PHKB: variants seen among roughly 807,000 people sequenced by gnomAD.
The protein encoded by PHKB is phosphorylase kinase regulatory subunit beta, also known as phosphorylase b kinase regulatory subunit beta.
Under a neutral mutation model 152.1 loss-of-function variants are expected in PHKB, and 122 were observed. The ratio of observed to expected loss-of-function variants is 0.80; its 90% CI spans 0.69 to 0.93. The LOEUF is 0.93. PHKB is among the 40% of genes least tolerant of loss of function. The probability of loss-of-function intolerance (pLI) is 0.00; values close to 1 mark genes in which losing one functional copy is unlikely to be tolerated. For missense variants in PHKB, 1,304 were observed against 1,328.4 expected, an observed-to-expected ratio of 0.98 and a Z score of 0.29; for synonymous variants, 436 against 464.9, an observed-to-expected ratio of 0.94 and a Z score of 0.80.
At chr16:47,580,116 TA>T (rs1344305693) in intron 7 of PHKB, among the ~76,000 whole-genome samples, 178 bp from the exon 8 acceptor site, 1 of 152,122 alleles carries the variant, frequency 6.6e-6, no homozygotes, top group Non-Finnish European at 1.5e-5. Flanking sequence ...TCACTAACTA[TA>T]AAAAAGAAAA....
Position 47,497,402 on chromosome 16 carries a change from C to T in PHKB, c.80C>T (p.Ser27Leu), listed in dbSNP as rs769640225. ...GGGTTTTTATTTTTTCTTTTAGGCT[C>T]AGTTTATGAACCTCTTAAAAGCATT... ...ERRARTKRSG[S>L]VYEPLKSINL... is the part of the protein sequence containing the mutation. The change falls in exon 2 of 31, where the codon TCA (serine) becomes TTA (leucine). Residue 27 changes from serine (S) to leucine (L), a missense_variant. Coordinates refer to ENST00000323584, the MANE Select transcript of PHKB (RefSeq NM_000293.3). 7 of 1,586,830 alleles carry T rather than the reference C, an allele frequency of 4.4e-6. No homozygotes were observed. The Admixed American group carries it at 1.2e-4, about 26-fold the overall frequency.
chr16:47,492,412 T>C (rs1970164778), intron 1 of PHKB, among the ~76,000 whole-genome samples: 1 of 152,368 alleles, frequency 6.6e-6, no homozygotes, highest in South Asian at 2.1e-4. Context: ...AGTCAACTGC[T>C]GATCTGGTGG....
At chr16:47,469,550 G>T (rs560814655) in intron 1 of PHKB, among the ~76,000 whole-genome samples, 2 of 152,100 alleles carry the variant, frequency 1.3e-5, no homozygotes, top group South Asian at 4.2e-4. Context: ...CTAAACATTG[G>T]GTACTCATGG....
At chr16:47,627,392 C>T (rs1265011194) in intron 14 of PHKB, among the ~76,000 whole-genome samples, 1 of 152,210 alleles carries the variant, frequency 6.6e-6, no homozygotes, top group Non-Finnish European at 1.5e-5. Context: ...ACACCAGTTA[C>T]AGCAAGTACT....
At chr16:47,503,549 G>C (rs964112891) in intron 4 of PHKB, among the ~76,000 whole-genome samples, 47 of 152,148 alleles carry the variant, frequency 3.1e-4, no homozygotes, top group Non-Finnish European at 1.5e-5. Flanking sequence ...CAGCTTTACA[G>C]GCCAGGCGCA....
chr16:47,532,030 T>C (rs1406263773), intron 6 of PHKB, among the ~76,000 whole-genome samples: 1 of 152,204 alleles, frequency 6.6e-6, no homozygotes, highest in African/African-American at 2.4e-5. Flanking sequence ...ACAAGATATG[T>C]ATCTAGAATA....
intron 26 of PHKB, among the ~76,000 whole-genome samples, chr16:47,670,042 C>G (rs1358211507): frequency 6.6e-6 from 1 of 152,176 alleles, no homozygotes; most frequent in South Asian, 2.1e-4. Flanking sequence ...GGGTAAATGA[C>G]TGAACCTCTC....
At chr16:47,647,783 CA>C (rs1443237831) in intron 16 of PHKB, among the ~76,000 whole-genome samples, 1 of 152,196 alleles carries the variant, frequency 6.6e-6, no homozygotes, top group Non-Finnish European at 1.5e-5. Flanking sequence ...AGGCGTGAGC[CA>C]CCATGCCCAG....
At chr16:47,677,576 A>G (rs1269884310) in intron 26 of PHKB, among the ~76,000 whole-genome samples, 1 of 151,962 alleles carries the variant, frequency 6.6e-6, no homozygotes, top group Non-Finnish European at 1.5e-5. Context: ...GCTCTCTGGT[A>G]TGTCTTCTTA....
At position 47,650,545 on chromosome 16, in the gene PHKB, A is replaced by T; in HGVS notation, c.1799A>T (p.Asn600Ile). ...ATCCTACCTCATTCTGTTTGACAGAATGCGCTGCAGTTCATTAAACAATAT... is the reference window on the plus strand; with the variant it reads ...ATCCTACCTCATTCTGTTTGACAGATTGCGCTGCAGTTCATTAAACAATAT... ...DVFLLIDDIKNALQFIKQYWK... is the reference protein window; with the variant it reads ...DVFLLIDDIKIALQFIKQYWK... The change falls in exon 19 of 31, where the codon AAT becomes ATT. Residue 600 changes from asparagine to isoleucine, a missense_variant and splice_region_variant. Physicochemically the swap from Asn to Ile is moderately radical, Grantham distance 149. Coordinates refer to ENST00000323584, the MANE Select transcript of PHKB (RefSeq NM_000293.3). The T allele has an allele frequency of 6.3e-7, 1 of 1,579,562 alleles. No individual in the cohort carries two copies. Among genetic ancestry groups the T allele is most frequent in the Non-Finnish European group, 8.7e-7 (1 of 1,148,714 alleles).
Position 47,649,196 on chromosome 16 carries a change from G to C in PHKB, c.1789G>C (p.Asp597His). 1 of 1,558,328 alleles carries C rather than the reference G, an allele frequency of 6.4e-7. No homozygotes were observed. Among genetic ancestry groups the C allele is most frequent in the Non-Finnish European group, 8.9e-7 (1 of 1,129,156 alleles). ...TCAGGATGTTTTCCTGCTGATAGAT[G>C]ACATAAAGGTAGCTTCGGAACACCT... ...MSQDVFLLID[D>H]IKNALQFIKQ... The change falls in exon 18 of 31, where the codon GAC becomes CAC. Residue 597 changes from aspartate to histidine, a missense_variant. Coordinates refer to ENST00000323584, the MANE Select transcript of PHKB (RefSeq NM_000293.3).
intron 26 of PHKB, among the ~76,000 whole-genome samples, chr16:47,680,363 C>A (rs1425686031): frequency 1.3e-5 from 2 of 152,142 alleles, no homozygotes; most frequent in African/African-American, 4.8e-5. Flanking sequence ...CCTCCTTGTA[C>A]CTCTGGTAGA....
rs1973482884 is a variant in PHKB, at chr16:47,663,657, C to T, written c.2279-20C>T. ...AATTAAAAGCTTTGTTCAACAAAGA[C>T]TCTATTATCCAATGTCTAGGTACCG... On this transcript the variant is annotated intron_variant, in intron 23 of 30. Transcript: ENST00000323584. 3 of 1,603,368 alleles carry T rather than the reference C, an allele frequency of 1.9e-6. No individual in the cohort carries two copies. In the East Asian group the frequency reaches 6.7e-5, roughly 36 times the overall value.
chr16:47,512,652 T>G (rs1002375210), intron 5 of PHKB, among the ~76,000 whole-genome samples: 1 of 152,182 alleles, frequency 6.6e-6, no homozygotes, highest in African/African-American at 2.4e-5. Flanking sequence ...TAGAACACAC[T>G]GGAGGTTTTA....
At chr16:47,463,114 C>T (rs1180817191) in intron 1 of PHKB, 1 of 152,542 alleles carries the variant, frequency 6.6e-6, no homozygotes, top group Non-Finnish European at 1.5e-5. Context: ...GAGTACTGCC[C>T]CCAACATATA....
At chr16:47,646,398 G>A (rs1356268908) in intron 16 of PHKB, among the ~76,000 whole-genome samples, 7 of 99,576 alleles carry the variant, frequency 7.0e-5, no homozygotes, top group South Asian at 8.3e-4. Flanking sequence ...GGGGAGGGGG[G>A]AGGGATAGCA....
chr16:47,553,862 G>C (rs1038976207), intron 7 of PHKB, among the ~76,000 whole-genome samples: 2 of 152,202 alleles, frequency 1.3e-5, no homozygotes, highest in African/African-American at 4.8e-5. Context: ...GGTATCACCA[G>C]CGGAGGCAGC....
intron 1 of PHKB, among the ~76,000 whole-genome samples, chr16:47,470,730 A>G (rs1969751667): frequency 6.6e-6 from 1 of 152,224 alleles, no homozygotes; most frequent in South Asian, 2.1e-4. Flanking sequence ...CTAGTACTCC[A>G]TAAATAAACA....
Position 47,566,806 on chromosome 16 carries a change from T to G in PHKB, c.711-13489T>G, listed in dbSNP as rs1360703761. On this transcript the variant is annotated intron_variant, in intron 7 of 30. Transcript: ENST00000323584. ...CTGACTGGTTTGGAAACATAAGTGC[T>G]TCCTCCACCAGTCCCTCCATCCTCA... is the stretch of plus-strand genomic sequence containing the variant. The G allele has an allele frequency of 6.9e-6, 5 of 726,578 alleles. No homozygotes were observed. In the East Asian group the frequency reaches 7.7e-5, roughly 11 times the overall value. 45.0% of individuals were successfully genotyped at this position (726,578 alleles called of 1,614,324 possible).
Sources: gnomAD v4.1 joint callset for allele counts (sites outside exome capture counted in the v4.1 genomes callset) on GRCh38, gnomAD v4.1.1 for gene constraint, MANE v1.5 for transcripts, NCBI Gene and HGNC (gene_info 2026-07-23, HGNC 2026-07-21) for gene names.